Variants in AQP8 observed in about 807,000 individuals in gnomAD.
AQP8 encodes aquaporin-8.
In AQP8, 14 loss-of-function variants were observed where a neutral mutation model predicts 26.1. That is an observed-to-expected ratio of 0.54 (90% CI 0.35 to 0.84). The LOEUF (loss-of-function observed/expected upper bound fraction) is 0.84. AQP8 is among the 40% of genes least tolerant of loss of function. The probability of loss-of-function intolerance (pLI) is 0.01; values close to 1 mark genes in which losing one functional copy is unlikely to be tolerated. For missense variants in AQP8, 301 were observed against 340.5 expected (o/e 0.88, Z 0.91); for synonymous variants, 131 against 150.7 (o/e 0.87, Z 0.96).
At position 25,228,741 on chromosome 16, in the gene AQP8, G is replaced by A; in HGVS notation, c.*249G>A. 2.2e-6 allele frequency: 1 copy of A among 450,612 alleles called. No individual in the cohort carries two copies. Among genetic ancestry groups the A allele is most frequent in the Non-Finnish European group, 4.0e-6 (1 of 248,754 alleles). 27.9% of individuals were successfully genotyped at this position (450,612 alleles called of 1,614,324 possible). A position where few individuals can be genotyped will look rare whatever the true frequency, so the allele number is the denominator to read the frequency against. ...CTGCCCGCACTGCCCAGAGAGCAGTGCAAACACCACAACACGAGCGTGTTT... is the reference window on the plus strand; with the variant it reads ...CTGCCCGCACTGCCCAGAGAGCAGTACAAACACCACAACACGAGCGTGTTT... On this transcript the variant is annotated 3_prime_UTR_variant, in exon 6 of 6. Coordinates refer to ENST00000219660, the MANE Select transcript of AQP8 (RefSeq NM_001169.3).
In AQP8 at chr16:25,228,889, T is replaced by G; in HGVS notation, c.*397T>G. 1 of 173,898 alleles carries G rather than the reference T, an allele frequency of 5.8e-6. No homozygotes were observed. The highest frequency in any genetic ancestry group is 1.6e-4 in the South Asian group (1 of 6,424). 10.8% of individuals were successfully genotyped at this position (173,898 alleles called of 1,614,324 possible). On this transcript the variant is annotated 3_prime_UTR_variant, in exon 6 of 6. Coordinates refer to ENST00000219660, the MANE Select transcript of AQP8 (RefSeq NM_001169.3). The stretch of plus-strand genomic sequence containing the variant: ...CTGGCCACTTCCTTGCTTCTCAAGC[T>G]GACAATTCTCACTTTGCAATAAATA...
chr16:25,222,749 C>A (rs959342291), intron 3 of AQP8, among the ~76,000 whole-genome samples: 1 of 152,094 alleles, frequency 6.6e-6, no homozygotes, highest in South Asian at 2.1e-4. Flanking sequence ...TGCTGACCCA[C>A]CGCAGACTTT....
At chr16:25,217,078 T>G in intron 1 of AQP8, 21 bp downstream of exon 1, 1 of 1,613,964 alleles carries the variant, frequency 6.2e-7, no homozygotes. Context: ...TGTCGGCATC[T>G]TCCTCTCCAG....
chr16:25,224,172 A>G (rs1158245371), intron 3 of AQP8, among the ~76,000 whole-genome samples, 190 bp from the exon 4 acceptor site: 6 of 152,234 alleles, frequency 3.9e-5, no homozygotes, highest in African/African-American at 1.4e-4. Context: ...AGAAAGGTTC[A>G]GTAGTTCACG....
rs918692125 is a variant in AQP8, at chr16:25,220,041, A to T, written c.261-1416A>T. 2.6e-5 allele frequency among the ~76,000 whole-genome samples: 4 copies of T among 151,708 alleles called. No homozygotes were observed. In the Middle Eastern group the frequency reaches 0.014, roughly 520 times the overall value. On this transcript the variant is annotated intron_variant, in intron 2 of 5. Transcript: ENST00000219660. ...CAAAGGGAGACCCTGTCTCAAAAAA[A>T]AAAACAAAAAACAAAAAACAAATCA... is the stretch of plus-strand genomic sequence containing the variant.
intron 2 of AQP8, among the ~76,000 whole-genome samples, chr16:25,219,557 C>A (rs922232630): frequency 2.6e-5 from 4 of 151,482 alleles, no homozygotes; most frequent in Non-Finnish European, 4.4e-5. Context: ...CGTCACCTGG[C>A]CCTCCTGATA....
rs776263247 is a variant in AQP8 at position 25,228,760 on chromosome 16, C to A, written c.*268C>A. On this transcript the variant is annotated 3_prime_UTR_variant, in exon 6 of 6. Transcript: ENST00000219660. ...AGCAGTGCAAACACCACAACACGAG[C>A]GTGTTTCTTGAGAGGAATGTCCCCG... The A allele has an allele frequency of 1.2e-5, 4 of 340,494 alleles. No homozygotes were observed. The highest frequency in any genetic ancestry group is 4.4e-5 in the Admixed American group (1 of 22,680). 21.1% of individuals were successfully genotyped at this position (340,494 alleles called of 1,614,324 possible).
chr16:25,226,437 A>G (rs1962634326), intron 4 of AQP8, among the ~76,000 whole-genome samples: 1 of 152,010 alleles, frequency 6.6e-6, no homozygotes, highest in Non-Finnish European at 1.5e-5. Context: ...TTGTATTTTT[A>G]ATACAGACAG....
intron 2 of AQP8, among the ~76,000 whole-genome samples, chr16:25,220,029 T>A (rs1375231257): frequency 6.8e-6 from 1 of 147,034 alleles, no homozygotes; most frequent in African/African-American, 2.7e-5. Flanking sequence ...AGGGAGACCC[T>A]GTCTCAAAAA....
intron 3 of AQP8, 28 bp downstream of exon 3, chr16:25,221,611 T>C (rs369036427): frequency 1.2e-6 from 2 of 1,613,174 alleles, no homozygotes. Flanking sequence ...GCTGGGCTAG[T>C]CTTCCTCTCT....
intron 4 of AQP8, 131 bp downstream of exon 4, chr16:25,224,707 G>T (rs1962609622): frequency 4.5e-6 from 4 of 885,798 alleles, no homozygotes; most frequent in South Asian, 1.6e-5. Flanking sequence ...GGGGAGGGGG[G>T]CTGGCATCAG....
chr16:25,226,606 G>A lies in AQP8; in HGVS notation c.603-462G>A, dbSNP rs117244777. Among the ~76,000 whole-genome samples the A allele has an allele frequency of 9.3e-5, 14 of 150,552 alleles. No homozygotes were observed. In the East Asian group the frequency reaches 2.4e-3, roughly 26 times the overall value. ...CAGGTATGCAATGTGTAATAATCAC[G>A]TCAAAGTAAACGGGGTATTCATCCC... On this transcript the variant is annotated intron_variant, in intron 4 of 5. Coordinates refer to ENST00000219660, the MANE Select transcript of AQP8 (RefSeq NM_001169.3).
At position 25,228,722 on chromosome 16, in the gene AQP8, G is replaced by T; in HGVS notation, c.*230G>T. On this transcript the variant is annotated 3_prime_UTR_variant, in exon 6 of 6. Coordinates refer to ENST00000219660, the MANE Select transcript of AQP8 (RefSeq NM_001169.3). ...CCCCAGCCTGGGGAACACGCTGCCC[G>T]CACTGCCCAGAGAGCAGTGCAAACA... 1.9e-6 allele frequency: 1 copy of T among 525,888 alleles called. No individual in the cohort carries two copies. Among genetic ancestry groups the T allele is most frequent in the Non-Finnish European group, 3.4e-6 (1 of 290,736 alleles). The allele number at this position is 525,888 out of a possible 1,614,324, so 32.6% of individuals were successfully genotyped here.
chr16:25,225,697 C>T (rs60464967), intron 4 of AQP8, among the ~76,000 whole-genome samples: 17,886 of 152,044 alleles, frequency 0.12, 1,148 homozygotes, highest in African/African-American at 0.14. Context: ...GCTGAGCCAC[C>T]GCGCCCCGCC....
intron 3 of AQP8, among the ~76,000 whole-genome samples, chr16:25,223,572 G>C (rs1294769203): frequency 6.6e-6 from 1 of 151,996 alleles, no homozygotes; most frequent in Non-Finnish European, 1.5e-5. Flanking sequence ...GGTGGGCATG[G>C]TTGGTATGTA....
chr16:25,219,834 C>T (rs560666207), intron 2 of AQP8, among the ~76,000 whole-genome samples: 2 of 147,608 alleles, frequency 1.4e-5, no homozygotes, highest in African/African-American at 2.5e-5. Context: ...GTCAGGAGTT[C>T]GAGACCAACC....
In AQP8 at chr16:25,217,338, C is replaced by A; in HGVS notation, c.153C>A (p.Ile51=). The change falls in exon 2 of 6, where the codon ATC becomes ATA. Residue 51 remains isoleucine (I), a synonymous_variant. Coordinates refer to ENST00000219660, the MANE Select transcript of AQP8 (RefSeq NM_001169.3). The stretch of plus-strand genomic sequence containing the variant: ...TGGGCTCTGCTCTCTTCATCTTCAT[C>A]GGGTGCCTGTCGGTCATTGAGAATG... ...ELLGSALFIF[I]GCLSVIENGT... is the part of the protein sequence containing the mutation. 6.2e-7 allele frequency: 1 copy of A among 1,614,132 alleles called. No individual in the cohort carries two copies. The highest frequency in any genetic ancestry group is 8.5e-7 in the Non-Finnish European group (1 of 1,180,012).
chr16:25,217,811 A>AGACACC (rs1876181046), intron 2 of AQP8, among the ~76,000 whole-genome samples: 1 of 152,074 alleles, frequency 6.6e-6, no homozygotes, highest in Non-Finnish European at 1.5e-5. Flanking sequence ...TACAGGCATG[A>AGACACC]GACACCATGC....
intron 3 of AQP8, among the ~76,000 whole-genome samples, chr16:25,223,830 CTT>C (rs112495757): frequency 7.6e-5 from 11 of 144,382 alleles, no homozygotes; most frequent in African/African-American, 5.1e-5. Flanking sequence ...TTTTCTTTTT[CTT>C]TTTTTTTTTT....
Sources: allele counts gnomAD v4.1 joint callset (sites outside exome capture counted in the v4.1 genomes callset), GRCh38; gene constraint gnomAD v4.1.1; transcripts MANE v1.5; gene names NCBI Gene and HGNC (gene_info 2026-07-23, HGNC 2026-07-21).